ERC2: variants seen among roughly 807,000 people sequenced by gnomAD.
ERC2 encodes ELKS/RAB6-interacting/CAST family member 2.
A neutral mutation model predicts 114.8 loss-of-function variants in ERC2; 42 were observed. The observed-to-expected ratio is 0.37, with a 90% CI of 0.29 to 0.47. The LOEUF (loss-of-function observed/expected upper bound fraction) is 0.47, where lower values mean the gene tolerates loss of function less well. Ranked by LOEUF, ERC2 falls within the 20% of genes least tolerant of loss-of-function variation. ERC2 has a pLI of 0.99. For missense variants in ERC2, 939 were observed against 1,150.7 expected, an observed-to-expected ratio of 0.82 and a Z score of 2.66; for synonymous variants, 454 against 425.5, an observed-to-expected ratio of 1.07 and a Z score of -0.82.
intron 17 of ERC2, among the ~76,000 whole-genome samples, chr3:55,556,639 G>A (rs886877163): frequency 2.6e-4 from 39 of 152,310 alleles, no homozygotes; most frequent in African/African-American, 9.1e-4. Context: ...AAGGATGATG[G>A]CTGGCAGCCA....
intron 2 of ERC2, among the ~76,000 whole-genome samples, chr3:56,333,115 C>T (rs2057700907): frequency 6.6e-6 from 1 of 152,224 alleles, no homozygotes; most frequent in Middle Eastern, 3.2e-3. Flanking sequence ...GTTAACTGGA[C>T]ACTACGGCTA....
intron 12 of ERC2, among the ~76,000 whole-genome samples, chr3:55,977,892 G>A (rs182763506): frequency 9.3e-4 from 142 of 151,986 alleles, no homozygotes; most frequent in Middle Eastern, 3.4e-3. Flanking sequence ...AAGCCTTTAG[G>A]TATAGATATG....
At chr3:56,057,436 C>G (rs1249421072) in intron 7 of ERC2, among the ~76,000 whole-genome samples, 1 of 152,152 alleles carries the variant, frequency 6.6e-6, no homozygotes, top group Non-Finnish European at 1.5e-5. Context: ...TGCTTTGGGC[C>G]TATAAAATCT....
intron 7 of ERC2, among the ~76,000 whole-genome samples, chr3:56,077,605 G>A (rs2077034414): frequency 6.6e-6 from 1 of 152,082 alleles, no homozygotes; most frequent in Admixed American, 6.6e-5. Context: ...TGAGAAAACT[G>A]TTGTCATTTA....
intron 1 of ERC2, among the ~76,000 whole-genome samples, chr3:56,446,082 C>A (rs1301052915): frequency 6.6e-6 from 1 of 152,100 alleles, no homozygotes; most frequent in Non-Finnish European, 1.5e-5. Flanking sequence ...TGAGGCTGTC[C>A]CTCCTCAGAT....
At chr3:55,908,027 G>T (rs1044150372) in intron 13 of ERC2, among the ~76,000 whole-genome samples, 2 of 152,116 alleles carry the variant, frequency 1.3e-5, no homozygotes, top group Non-Finnish European at 2.9e-5. Flanking sequence ...TCCCAGAAGT[G>T]ATAGCGTTTA....
chr3:55,658,690 G>A (rs1421589971), intron 17 of ERC2: 2 of 152,704 alleles, frequency 1.3e-5, no homozygotes, highest in Non-Finnish European at 2.9e-5. Context: ...CCCTCTCCCT[G>A]TTGCAGAGCC....
intron 7 of ERC2, among the ~76,000 whole-genome samples, chr3:56,033,038 AAGAAAGAAAGAAAG>A (rs2074557072): frequency 9.4e-5 from 7 of 74,462 alleles, no homozygotes; most frequent in Non-Finnish European, 1.9e-4. Flanking sequence ...AACAGAAAGA[AAGAAAGAAAGAAAG>A]AAAGAAAGAA....
intron 14 of ERC2, among the ~76,000 whole-genome samples, chr3:55,761,854 C>T (rs923251746): frequency 1.3e-4 from 18 of 139,810 alleles, no homozygotes; most frequent in African/African-American, 3.0e-4. Flanking sequence ...CTGGCCTGGG[C>T]GAAGGAGCGA....
At chr3:55,880,182 T>G (rs1244916471) in intron 14 of ERC2, among the ~76,000 whole-genome samples, 1 of 152,072 alleles carries the variant, frequency 6.6e-6, no homozygotes, top group Non-Finnish European at 1.5e-5. Flanking sequence ...CACTAAGAGG[T>G]GCAAGCAAAT....
chr3:56,046,137 T>C (rs999631431), intron 7 of ERC2, among the ~76,000 whole-genome samples: 7 of 152,090 alleles, frequency 4.6e-5, no homozygotes, highest in African/African-American at 1.7e-4. Context: ...CTGGAAACAC[T>C]TGCACTGAAA....
At chr3:56,415,923 C>T (rs1049155246) in intron 2 of ERC2, among the ~76,000 whole-genome samples, 1 of 152,206 alleles carries the variant, frequency 6.6e-6, no homozygotes, top group Non-Finnish European at 1.5e-5. Flanking sequence ...CTCATCAAAT[C>T]GCACTCATGA....
At chr3:55,785,265 C>T (rs184310579) in intron 14 of ERC2, among the ~76,000 whole-genome samples, 49 of 152,304 alleles carry the variant, frequency 3.2e-4, no homozygotes, top group African/African-American at 9.6e-4. Flanking sequence ...AGTGTTGAGA[C>T]GGCAAATATG....
intron 17 of ERC2, among the ~76,000 whole-genome samples, chr3:55,590,711 C>T (rs2057832156): frequency 6.6e-6 from 1 of 152,188 alleles, no homozygotes. Flanking sequence ...GTGTTTTAAA[C>T]TCAGGAAAAC....
intron 2 of ERC2, among the ~76,000 whole-genome samples, chr3:56,393,956 A>G (rs1046624457): frequency 4.6e-5 from 7 of 151,994 alleles, no homozygotes; most frequent in Non-Finnish European, 8.8e-5. Flanking sequence ...AAAAAAAAAA[A>G]GGAATTCTCT....
At chr3:56,103,775 C>T (rs2078493199) in intron 6 of ERC2, among the ~76,000 whole-genome samples, 3 of 151,874 alleles carry the variant, frequency 2.0e-5, no homozygotes, top group African/African-American at 7.3e-5. Flanking sequence ...ATCTATCTAT[C>T]TATCTATCTA....
intron 14 of ERC2, among the ~76,000 whole-genome samples, chr3:55,856,865 A>G (rs2061809844): frequency 6.6e-6 from 1 of 152,250 alleles, no homozygotes; most frequent in Non-Finnish European, 1.5e-5. Context: ...ACATGCTACA[A>G]CATGCAGAAA....
intron 7 of ERC2, among the ~76,000 whole-genome samples, chr3:56,021,455 T>A (rs1015181496): frequency 1.3e-5 from 2 of 152,182 alleles, no homozygotes; most frequent in African/African-American, 2.4e-5. Context: ...ATAAATACTA[T>A]ACACATGAGT....
rs3059340 is a variant in ERC2 at position 55,656,125 on chromosome 3, T to TA, written c.*39+27668_*39+27669insT. 2.5e-4 allele frequency among the ~76,000 whole-genome samples: 38 copies of TA among 152,130 alleles called. 1 individual carries two copies. In the East Asian group the frequency reaches 6.6e-3, roughly 26 times the overall value. On this transcript the variant is annotated intron_variant, in intron 17 of 17. Transcript: ENST00000288221. Reference sequence around the variant, plus strand: ...TTATTTATTTATTTATTTATTTATTTTTCTGAGTTTTGATTTAAAGAATTT... The same window carrying TA: ...TTATTTATTTATTTATTTATTTATTTATTCTGAGTTTTGATTTAAAGAATTT...
Sources: gnomAD v4.1 joint callset for allele counts (sites outside exome capture counted in the v4.1 genomes callset) on GRCh38, gnomAD v4.1.1 for gene constraint, MANE v1.5 for transcripts, NCBI Gene and HGNC (gene_info 2026-07-23, HGNC 2026-07-21) for gene names.